Variants in DCC observed in about 807,000 individuals in gnomAD.
The protein encoded by DCC is netrin receptor DCC.
In DCC, 58 loss-of-function variants were observed where a neutral mutation model predicts 172.5. The observed-to-expected ratio is 0.34, with a 90% CI of 0.27 to 0.42. The LOEUF (loss-of-function observed/expected upper bound fraction) is 0.42, where lower values mean the gene tolerates loss of function less well. DCC is among the 10% of genes least tolerant of loss of function. DCC has a pLI of 1.00. For missense variants in DCC, 1,740 were observed against 1,791.0 expected, an observed-to-expected ratio of 0.97 and a Z score of 0.51; for synonymous variants, 709 against 644.5, an observed-to-expected ratio of 1.10 and a Z score of -1.52.
At chr18:52,731,609 G>A (rs1415451306) in intron 1 of DCC, among the ~76,000 whole-genome samples, 2 of 152,110 alleles carry the variant, frequency 1.3e-5, no homozygotes, top group African/African-American at 4.8e-5. Context: ...TATTAATACA[G>A]TAGAGTGATC....
intron 2 of DCC, among the ~76,000 whole-genome samples, chr18:52,897,503 C>T (rs1445385336): frequency 6.6e-6 from 1 of 152,136 alleles, no homozygotes; most frequent in Non-Finnish European, 1.5e-5. Flanking sequence ...TTTTTTCTTT[C>T]TGTAAATATT....
chr18:52,918,971 A>G (rs187728771), intron 3 of DCC, among the ~76,000 whole-genome samples: 11 of 152,324 alleles, frequency 7.2e-5, no homozygotes, highest in East Asian at 5.8e-4. Flanking sequence ...TTATGATTCT[A>G]TAGTTTATAT....
intron 1 of DCC, among the ~76,000 whole-genome samples, chr18:52,597,296 C>T (rs1447171014): frequency 6.6e-6 from 1 of 152,160 alleles, no homozygotes; most frequent in Non-Finnish European, 1.5e-5. Flanking sequence ...CCAGCTGGGG[C>T]TATTGGCTGT....
intron 1 of DCC, among the ~76,000 whole-genome samples, chr18:52,353,522 C>T (rs1161429861): frequency 6.6e-6 from 1 of 152,194 alleles, no homozygotes; most frequent in African/African-American, 2.4e-5. Flanking sequence ...TGAACCTCGC[C>T]TTTTGATTGG....
chr18:53,165,391 G>C (rs1489717595), intron 8 of DCC, among the ~76,000 whole-genome samples: 1 of 152,168 alleles, frequency 6.6e-6, no homozygotes, highest in Admixed American at 6.5e-5. Context: ...CATTTTTGAT[G>C]TGGTGTTTAC....
At chr18:52,623,457 C>T (rs2034518136) in intron 1 of DCC, among the ~76,000 whole-genome samples, 1 of 152,102 alleles carries the variant, frequency 6.6e-6, no homozygotes, top group South Asian at 2.1e-4. Flanking sequence ...ATCTTTCTTC[C>T]TTTTTTGTTT....
At chr18:53,108,437 A>T (rs2043281816) in intron 7 of DCC, among the ~76,000 whole-genome samples, 1 of 151,882 alleles carries the variant, frequency 6.6e-6, no homozygotes, top group South Asian at 2.1e-4. Flanking sequence ...GATTAGTTAT[A>T]AATAATCAAT....
chr18:52,522,006 G>A (rs905302528), intron 1 of DCC, among the ~76,000 whole-genome samples: 1 of 152,110 alleles, frequency 6.6e-6, no homozygotes. Flanking sequence ...TTGTCTGCAA[G>A]CTGACTTTGA....
chr18:52,680,925 GA>G (rs1317136660), intron 1 of DCC, among the ~76,000 whole-genome samples: 1 of 152,046 alleles, frequency 6.6e-6, no homozygotes, highest in Non-Finnish European at 1.5e-5. Context: ...TTAAAACGCA[GA>G]AGAAAAATAC....
chr18:52,839,712 T>G (rs903279427), intron 2 of DCC, among the ~76,000 whole-genome samples: 2 of 152,228 alleles, frequency 1.3e-5, no homozygotes, highest in African/African-American at 4.8e-5. Context: ...GTATCTTCAT[T>G]CTGAGAGTCT....
intron 15 of DCC, among the ~76,000 whole-genome samples, chr18:53,354,005 A>G (rs1311386754): frequency 1.3e-5 from 2 of 152,134 alleles, no homozygotes; most frequent in South Asian, 2.1e-4. Flanking sequence ...GAGTGAGAAC[A>G]TGCGGTGTTT....
chr18:53,093,426 A>T (rs2043041808), intron 7 of DCC, among the ~76,000 whole-genome samples: 1 of 152,226 alleles, frequency 6.6e-6, no homozygotes, highest in Non-Finnish European at 1.5e-5. Context: ...GTCAACATAC[A>T]TCAAAAGATT....
intron 12 of DCC, among the ~76,000 whole-genome samples, chr18:53,270,847 G>T (rs1485761908): frequency 6.6e-6 from 1 of 152,028 alleles, no homozygotes; most frequent in African/African-American, 2.4e-5. Context: ...AACTCTCTAG[G>T]ATCTTTTTTC....
At chr18:52,444,114 G>C (rs766115825) in intron 1 of DCC, among the ~76,000 whole-genome samples, 7 of 152,182 alleles carry the variant, frequency 4.6e-5, no homozygotes, top group Non-Finnish European at 7.3e-5. Flanking sequence ...GGAAGTGGTA[G>C]GTGCTGGCTG....
At chr18:53,433,208 T>C (rs1420988587) in intron 21 of DCC, among the ~76,000 whole-genome samples, 1 of 152,188 alleles carries the variant, frequency 6.6e-6, no homozygotes, top group Non-Finnish European at 1.5e-5. Flanking sequence ...CGGCATCTGA[T>C]TTCTTCTACC....
intron 12 of DCC, among the ~76,000 whole-genome samples, chr18:53,271,701 C>T (rs1414540890): frequency 6.6e-6 from 1 of 152,094 alleles, no homozygotes; most frequent in Non-Finnish European, 1.5e-5. Context: ...TTTGTAACCA[C>T]CACTTTTTCT....
At chr18:52,927,225 GCACATATATACT>G (rs1568192462) in intron 5 of DCC, among the ~76,000 whole-genome samples, 22 of 130,196 alleles carry the variant, frequency 1.7e-4, no homozygotes, top group East Asian at 1.1e-3. Flanking sequence ...ACACATATAT[GCACATATATACT>G]TATATGTACA....
At chr18:53,341,059 G>A (rs2057654148) in intron 15 of DCC, among the ~76,000 whole-genome samples, 2 of 152,286 alleles carry the variant, frequency 1.3e-5, no homozygotes, top group East Asian at 1.9e-4. Flanking sequence ...TTGGCGTTTA[G>A]AAATAATATT....
intron 5 of DCC, among the ~76,000 whole-genome samples, chr18:52,969,641 C>G (rs549919843): frequency 3.4e-5 from 5 of 148,480 alleles, no homozygotes; most frequent in Middle Eastern, 3.5e-3. Context: ...CTCTCTGTGT[C>G]TCTCTCTCTC....
Sources: allele counts gnomAD v4.1 joint callset (sites outside exome capture counted in the v4.1 genomes callset), GRCh38; gene constraint gnomAD v4.1.1; transcripts MANE v1.5; gene names NCBI Gene and HGNC (gene_info 2026-07-23, HGNC 2026-07-21).